Variants in TRAM1 observed in about 807,000 individuals in gnomAD.
TRAM1 encodes the protein translocating chain-associated membrane protein 1.
Under a neutral mutation model 48.7 loss-of-function variants are expected in TRAM1, and 17 were observed. The ratio of observed to expected loss-of-function variants is 0.35; its 90% confidence interval spans 0.24 to 0.52. The LOEUF is 0.52. Ranked by LOEUF, TRAM1 falls within the 20% of genes least tolerant of loss-of-function variation. The pLI is 0.94. For missense variants in TRAM1, 351 were observed against 441.5 expected (o/e 0.79, Z 1.84); for synonymous variants, 182 against 154.0 (o/e 1.18, Z -1.34).
At chr8:70,604,737 A>C (rs1817683220) in intron 1 of TRAM1, among the ~76,000 whole-genome samples, 1 of 152,150 alleles carries the variant, frequency 6.6e-6, no homozygotes, top group African/African-American at 2.4e-5. Context: ...TGGCATAAAG[A>C]ACTTGCAGAT....
chr8:70,597,035 C>CTTTACCAACAGGGTAAAGCA (rs1203164528), intron 4 of TRAM1, among the ~76,000 whole-genome samples: 3 of 152,062 alleles, frequency 2.0e-5, no homozygotes, highest in Non-Finnish European at 2.9e-5. Context: ...CTACTTCCAA[C>CTTTACCAACAGGGTAAAGCA]ATGAAGTGCT....
intron 5 of TRAM1, among the ~76,000 whole-genome samples, chr8:70,595,603 G>A (rs776167106): frequency 6.6e-5 from 10 of 151,658 alleles, no homozygotes; most frequent in Admixed American, 2.0e-4. Flanking sequence ...AGTCTTAGTG[G>A]GTATGGGCAC....
At chr8:70,599,719 A>C (rs1293017485) in intron 2 of TRAM1, among the ~76,000 whole-genome samples, 1 of 152,268 alleles carries the variant, frequency 6.6e-6, no homozygotes, top group Non-Finnish European at 1.5e-5. Context: ...AATTTTAAAA[A>C]GATCTTTTCT....
At chr8:70,583,365 C>T (rs759982383) in intron 9 of TRAM1, 41 bp from the exon 10 acceptor site, 23 of 1,581,924 alleles carry the variant, frequency 1.5e-5, no homozygotes, top group Admixed American at 3.5e-5. Flanking sequence ...GTATAAAAAA[C>T]AATGCCACTG....
chr8:70,597,999 G>T lies in TRAM1; in HGVS notation c.322C>A (p.Arg108=). The part of the protein sequence containing the change: ...QEYMLDKINR[R]MHFSKTKHSK... Reference sequence around the variant, plus strand: ...TGTTTTGTTTTGGAGAAGTGCATTCGCCTGTTAATTTTCTAAAAATAAAAA... The same window carrying T: ...TGTTTTGTTTTGGAGAAGTGCATTCTCCTGTTAATTTTCTAAAAATAAAAA... The change falls in exon 4 of 11, where the codon CGA becomes AGA. Residue 108 remains arginine (R), a synonymous_variant. Coordinates refer to ENST00000262213, the MANE Select transcript of TRAM1 (RefSeq NM_014294.6). 6.3e-7 allele frequency: 1 copy of T among 1,584,526 alleles called. No homozygotes were observed. Among genetic ancestry groups the T allele is most frequent in the Non-Finnish European group, 8.6e-7 (1 of 1,164,544 alleles).
chr8:70,596,357 T>A (rs1208278704), intron 4 of TRAM1, 36 bp from the exon 5 acceptor site: 2 of 1,479,592 alleles, frequency 1.4e-6, no homozygotes, highest in African/African-American at 2.9e-5. Context: ...CCTGTGAGCA[T>A]AATGCAAACT....
chr8:70,605,536 C>CA (rs201937359), intron 1 of TRAM1, among the ~76,000 whole-genome samples: 95 of 150,378 alleles, frequency 6.3e-4, no homozygotes, highest in East Asian at 5.6e-3. Flanking sequence ...AACAGTTCTG[C>CA]AAAAAAAAAT....
rs903159428 is a variant in TRAM1, at chr8:70,574,108, C to G, written c.*824G>C. The G allele has an allele frequency of 3.1e-5, 8 of 260,078 alleles. No individual in the cohort carries two copies. The highest frequency in any genetic ancestry group is 5.4e-5 in the Non-Finnish European group (7 of 130,018). The allele number at this position is 260,078 out of a possible 1,614,324, so 16.1% of individuals were successfully genotyped here. ...AAAAGTGTTTGCAGGTTAAACTTTT[C>G]TAAGATGCTGTGCATATTAAACTTA... On this transcript the variant is annotated 3_prime_UTR_variant, in exon 11 of 11. Transcript: ENST00000262213.
chr8:70,581,527 T>TA (rs1817073881), intron 10 of TRAM1, among the ~76,000 whole-genome samples: 1 of 152,192 alleles, frequency 6.6e-6, no homozygotes, highest in African/African-American at 2.4e-5. Flanking sequence ...TGTAAAATAG[T>TA]ATAACCACTT....
At chr8:70,585,012 C>T (rs1164203674) in intron 8 of TRAM1, among the ~76,000 whole-genome samples, 1 of 152,168 alleles carries the variant, frequency 6.6e-6, no homozygotes, top group Non-Finnish European at 1.5e-5. Flanking sequence ...AGGCATCATG[C>T]TACCTGACTT....
At position 70,573,843 on chromosome 8, in the gene TRAM1, T is replaced by C. The variant is rs1816876842; in HGVS notation, c.*1089A>G. On this transcript the variant is annotated 3_prime_UTR_variant, in exon 11 of 11. Coordinates refer to ENST00000262213, the MANE Select transcript of TRAM1 (RefSeq NM_014294.6). ...TTCCTCAAATGCTTTTTAGAGCCTT[T>C]CTGTAGAGATACAAATATATATATA... is the stretch of plus-strand genomic sequence containing the variant. 6.6e-6 allele frequency: 1 copy of C among 152,224 alleles called. No homozygotes were observed. Among genetic ancestry groups the C allele is most frequent in the Admixed American group, 6.6e-5 (1 of 15,260 alleles). The allele number at this position is 152,224 out of a possible 1,614,324, so 9.4% of individuals were successfully genotyped here.
At chr8:70,594,088 T>G (rs988000408) in intron 6 of TRAM1, among the ~76,000 whole-genome samples, 23 of 152,284 alleles carry the variant, frequency 1.5e-4, no homozygotes, top group Admixed American at 9.8e-4. Context: ...AATACTGAAT[T>G]TTGCTTTAGG....
intron 10 of TRAM1, among the ~76,000 whole-genome samples, chr8:70,578,873 A>G (rs1402502544): frequency 6.6e-6 from 1 of 152,228 alleles, no homozygotes; most frequent in Non-Finnish European, 1.5e-5. Flanking sequence ...AATTCAGCGA[A>G]AGTGATGTAC....
chr8:70,583,388 C>T (rs1817126773), intron 9 of TRAM1, 64 bp from the exon 10 acceptor site: 1 of 1,502,998 alleles, frequency 6.7e-7, no homozygotes, highest in Non-Finnish European at 9.0e-7. Context: ...TACATTCTAT[C>T]ATCTTTCATA....
At chr8:70,586,425 TAATAA>T (rs543611565) in intron 8 of TRAM1, among the ~76,000 whole-genome samples, 102 of 152,028 alleles carry the variant, frequency 6.7e-4, no homozygotes, top group African/African-American at 2.2e-3. Context: ...AGTATAATAA[TAATAA>T]AATAATAAAA....
chr8:70,604,794 C>T lies in TRAM1; in HGVS notation c.123+3283G>A, dbSNP rs1350111745. 3.9e-5 allele frequency among the ~76,000 whole-genome samples: 6 copies of T among 152,142 alleles called. No homozygotes were observed. The East Asian group carries it at 1.2e-3, about 29-fold the overall frequency. ...ATATATTTCCTTTTGAATATCTTTC[C>T]TTTATACACTCCTTAAAAGAAATAC... is the stretch of plus-strand genomic sequence containing the variant. On this transcript the variant is annotated intron_variant, in intron 1 of 10. Coordinates refer to ENST00000262213, the MANE Select transcript of TRAM1 (RefSeq NM_014294.6).
At chr8:70,591,483 AG>A (rs1263778787) in intron 6 of TRAM1, among the ~76,000 whole-genome samples, 1 of 152,200 alleles carries the variant, frequency 6.6e-6, no homozygotes, top group African/African-American at 2.4e-5. Context: ...TTGTGGGGGA[AG>A]GGAGAGAACA....
chr8:70,604,114 A>G (rs1402061311), intron 1 of TRAM1, among the ~76,000 whole-genome samples: 1 of 152,250 alleles, frequency 6.6e-6, no homozygotes, highest in East Asian at 1.9e-4. Flanking sequence ...GAACATTTAC[A>G]GAGCTGCTCT....
chr8:70,593,428 C>T (rs73685679), intron 6 of TRAM1, among the ~76,000 whole-genome samples: 10,565 of 150,798 alleles, frequency 0.07, 421 homozygotes, highest in Non-Finnish European at 0.079. Context: ...ATTTTAAATG[C>T]GGAAAAATGT....
Sources: gnomAD v4.1 joint callset for allele counts (sites outside exome capture counted in the v4.1 genomes callset) on GRCh38, gnomAD v4.1.1 for gene constraint, MANE v1.5 for transcripts, NCBI Gene and HGNC (gene_info 2026-07-23, HGNC 2026-07-21) for gene names.